NODAL: variants seen among roughly 807,000 people sequenced by gnomAD.
NODAL encodes nodal homolog.
NODAL carries 12 observed loss-of-function variants against 34.0 expected under a neutral mutation model. That is an observed-to-expected ratio of 0.35 (90% confidence interval 0.23 to 0.57). NODAL has a LOEUF of 0.57. Among genes scored for constraint, NODAL ranks in the 20% least tolerant of loss-of-function variants. NODAL has a pLI of 0.83. For synonymous variants in NODAL, 162 were observed against 186.4 expected (o/e 0.87, Z 1.07); for missense variants, 390 against 444.2 (o/e 0.88, Z 1.10).
intron 1 of NODAL, 80 bp downstream of exon 1, chr10:70,441,395 C>T: frequency 6.8e-7 from 1 of 1,478,046 alleles, no homozygotes; most frequent in Non-Finnish European, 9.1e-7. Flanking sequence ...CAACCCACAG[C>T]ACTTCCCGAG....
upstream of NODAL, among the ~76,000 whole-genome samples, chr10:70,445,461 T>C (rs1019195983): frequency 1.3e-5 from 2 of 152,112 alleles, no homozygotes; most frequent in Admixed American, 1.3e-4. Context: ...GGTTTCACCG[T>C]GTTAGCCAGG....
chr10:70,446,924 T>C (rs1845493964), intron 1 of NODAL, among the ~76,000 whole-genome samples: 1 of 152,066 alleles, frequency 6.6e-6, no homozygotes, highest in African/African-American at 2.4e-5. Context: ...ACCCTTGCCT[T>C]TCACATATTC....
upstream of NODAL, among the ~76,000 whole-genome samples, chr10:70,443,571 G>T (rs1845455376): frequency 6.6e-6 from 1 of 152,098 alleles, no homozygotes. Flanking sequence ...CAGACGCAGT[G>T]GCTCACGCCT....
chr10:70,437,357 C>G (rs927561232), intron 1 of NODAL, among the ~76,000 whole-genome samples: 13 of 152,198 alleles, frequency 8.5e-5, no homozygotes, highest in Admixed American at 7.9e-4. Flanking sequence ...AGGAGAATTG[C>G]TTGAACCCAG....
chr10:70,435,304 G>A lies in NODAL; in HGVS notation c.873C>T (p.Thr291=). The A allele has an allele frequency of 6.2e-7, 1 of 1,611,656 alleles. No homozygotes were observed. The highest frequency in any genetic ancestry group is 8.5e-7 in the Non-Finnish European group (1 of 1,178,876). Residue 291 remains threonine, a synonymous_variant, in exon 2 of 3, where the codon ACC becomes ACT. Coordinates refer to ENST00000287139, the MANE Select transcript of NODAL (RefSeq NM_018055.5). ...PNPVGEEFHP[T]NHAYIQSLLK... is the part of the protein sequence containing the mutation. ...ATCCCACCTGGATGTATGCATGGTT[G>A]GTCGGATGAAACTCCTCCCCAACAG... is the stretch of plus-strand genomic sequence containing the variant.
upstream of NODAL, among the ~76,000 whole-genome samples, chr10:70,443,000 T>C (rs1370514733): frequency 2.6e-5 from 4 of 151,968 alleles, no homozygotes; most frequent in Non-Finnish European, 5.9e-5. Flanking sequence ...AGTGGGAGGA[T>C]TGCTTGAGCC....
intron 2 of NODAL, chr10:70,434,999 G>A: frequency 2.3e-6 from 1 of 429,854 alleles, no homozygotes; most frequent in Non-Finnish European, 4.3e-6. Context: ...GAAGTGCTGA[G>A]ACCCTCTGGT....
upstream of NODAL, among the ~76,000 whole-genome samples, chr10:70,442,413 C>A (rs540663575): frequency 6.6e-6 from 1 of 152,196 alleles, no homozygotes; most frequent in Non-Finnish European, 1.5e-5. Flanking sequence ...TGCCCACATC[C>A]CCCAATCCCT....
upstream of NODAL, among the ~76,000 whole-genome samples, chr10:70,442,866 T>C (rs1718242135): frequency 6.6e-6 from 1 of 152,130 alleles, no homozygotes; most frequent in Non-Finnish European, 1.5e-5. Context: ...GGCAGATACC[T>C]GAGCTCAGGA....
Position 70,436,178 on chromosome 10 carries a change from G to A in NODAL, c.194-195C>T, listed in dbSNP as rs75081038. ...GATGAGGAAAACTGAGGCTCAGTGTGGTTAAAAGATCTGACCAAGGTGTCA... is the reference window on the plus strand; with the variant it reads ...GATGAGGAAAACTGAGGCTCAGTGTAGTTAAAAGATCTGACCAAGGTGTCA... On this transcript the variant is annotated intron_variant, in intron 1 of 2. Transcript: ENST00000287139. 35 of 627,674 alleles carry A rather than the reference G, an allele frequency of 5.6e-5. No homozygotes were observed. The African/African-American group carries it at 6.2e-4, about 11-fold the overall frequency. The allele number at this position is 627,674 out of a possible 1,614,324, so 38.9% of individuals were successfully genotyped here. A position where few individuals can be genotyped will look rare whatever the true frequency, so the allele number is the denominator to read the frequency against.
chr10:70,446,724 G>A (rs1845490982), intron 1 of NODAL, among the ~76,000 whole-genome samples: 1 of 152,030 alleles, frequency 6.6e-6, no homozygotes, highest in South Asian at 2.1e-4. Context: ...CCTCACTGAT[G>A]TTCTGTGCGG....
rs1407459979 is a variant in NODAL, at chr10:70,435,754, C to T, written c.423G>A (p.Leu141=). The T allele has an allele frequency of 6.2e-7, 1 of 1,614,172 alleles. No individual in the cohort carries two copies. The highest frequency in any genetic ancestry group is 2.2e-5 in the East Asian group (1 of 44,880). Residue 141 remains leucine (L), a synonymous_variant, in exon 2 of 3, where the codon TTG becomes TTA. Transcript: ENST00000287139. The part of the protein sequence containing the change: ...RFQMDLFTVT[L]SQVTFSLGSM... ...TGCCCAAGGAAAAGGTGACCTGGGA[C>T]AAAGTGACAGTGAATAGGTCCATCT... is the stretch of plus-strand genomic sequence containing the variant.
chr10:70,436,118 CT>C, intron 1 of NODAL, 135 bp from the exon 2 acceptor site: 1 of 763,710 alleles, frequency 1.3e-6, no homozygotes, highest in Non-Finnish European at 2.3e-6. Context: ...CACCCCAACT[CT>C]ATGAGTTGGT....
intron 1 of NODAL, chr10:70,436,674 T>C: frequency 6.5e-6 from 1 of 153,082 alleles, no homozygotes; most frequent in Non-Finnish European, 1.5e-5. Flanking sequence ...CAAAGACTGG[T>C]CACCCTCTAC....
chr10:70,435,443 T>A lies in NODAL; in HGVS notation c.734A>T (p.Gln245Leu). Residue 245 changes from glutamine to leucine, a missense_variant, in exon 2 of 3, where the codon CAA (glutamine) becomes CTA (leucine). Transcript: ENST00000287139. ...CTGGAACTTGACCTTCCGACACAGT[T>A]GACTTCTGTCTGGCAAGTGATGTCG... is the stretch of plus-strand genomic sequence containing the variant. ...HRRHHLPDRS[Q>L]LCRKVKFQVD... The A allele has an allele frequency of 6.2e-7, 1 of 1,614,198 alleles. No individual in the cohort carries two copies. Among genetic ancestry groups the A allele is most frequent in the Non-Finnish European group, 8.5e-7 (1 of 1,180,032 alleles).
chr10:70,442,442 A>G (rs1389791213), upstream of NODAL, among the ~76,000 whole-genome samples: 1 of 152,164 alleles, frequency 6.6e-6, no homozygotes, highest in Admixed American at 6.5e-5. Flanking sequence ...TGGCAGGGCC[A>G]CAGAAGACCT....
At position 70,432,060 on chromosome 10, in the gene NODAL, A is replaced by G. The variant is rs1001955304; in HGVS notation, c.*876T>C. Among the ~76,000 whole-genome samples the G allele has an allele frequency of 1.3e-5, 2 of 152,264 alleles. No individual in the cohort carries two copies. Among genetic ancestry groups the G allele is most frequent in the African/African-American group, 2.4e-5 (1 of 41,478 alleles). On this transcript the variant is annotated 3_prime_UTR_variant, in exon 3 of 3. Transcript: ENST00000287139. ...GCTCACCTGAGGTCGCACAGCTTCC[A>G]GTGGCTGAGCTGTGACCATAGAGCA...
intron 1 of NODAL, among the ~76,000 whole-genome samples, chr10:70,440,213 T>C (rs1845410370): frequency 6.6e-6 from 1 of 152,164 alleles, no homozygotes; most frequent in Admixed American, 6.5e-5. Context: ...TAGAACCCAG[T>C]TTCCAGATGC....
At chr10:70,441,399 TCC>T in intron 1 of NODAL, 74 bp downstream of exon 1, 1 of 1,496,696 alleles carries the variant, frequency 6.7e-7, no homozygotes, top group Non-Finnish European at 9.0e-7. Flanking sequence ...CCACAGCACT[TCC>T]CGAGTCCGCT....
Sources: gnomAD v4.1 joint callset for allele counts (sites outside exome capture counted in the v4.1 genomes callset) on GRCh38, gnomAD v4.1.1 for gene constraint, MANE v1.5 for transcripts, NCBI Gene and HGNC (gene_info 2026-07-23, HGNC 2026-07-21) for gene names.